The following SBF2 variants were observed in gnomAD, a reference collection of about 807,000 sequenced individuals.
The protein encoded by SBF2 is SET binding factor 2.
A neutral mutation model predicts 225.2 loss-of-function variants in SBF2; 112 were observed. That is an observed-to-expected ratio of 0.50 (90% CI 0.43 to 0.58). The LOEUF (loss-of-function observed/expected upper bound fraction) is 0.58, where lower values mean the gene tolerates loss of function less well. Among genes scored for constraint, SBF2 ranks in the 20% least tolerant of loss-of-function variants. SBF2 has a pLI of 0.00. For missense variants in SBF2, 1,996 were observed against 2,206.2 expected (o/e 0.90, Z 1.91); for synonymous variants, 763 against 773.3 (o/e 0.99, Z 0.22).
chr11:9,969,773 T>C (rs899242638), intron 13 of SBF2, among the ~76,000 whole-genome samples: 1 of 152,174 alleles, frequency 6.6e-6, no homozygotes, highest in Non-Finnish European at 1.5e-5. Flanking sequence ...CTTTACATTT[T>C]ATTTAACTTG....
chr11:10,020,632 AT>A (rs1948817064), intron 6 of SBF2, among the ~76,000 whole-genome samples: 1 of 152,066 alleles, frequency 6.6e-6, no homozygotes, highest in African/African-American at 2.4e-5. Flanking sequence ...CCTTGGCTGA[AT>A]TTTTTCTTCT....
intron 16 of SBF2, among the ~76,000 whole-genome samples, chr11:9,924,744 TTTTA>T (rs1327244603): frequency 6.7e-6 from 1 of 150,330 alleles, no homozygotes; most frequent in Non-Finnish European, 1.5e-5. Flanking sequence ...ATTTTCTTAT[TTTTA>T]TTTATTTATT....
At chr11:9,883,805 A>G (rs986632049) in intron 17 of SBF2, among the ~76,000 whole-genome samples, 8 of 152,172 alleles carry the variant, frequency 5.3e-5, no homozygotes, top group African/African-American at 1.7e-4. Flanking sequence ...CTCATTTTTC[A>G]TTAAGCTTTT....
intron 1 of SBF2, among the ~76,000 whole-genome samples, chr11:10,281,255 T>C (rs1302723344): frequency 1.3e-5 from 2 of 152,166 alleles, no homozygotes; most frequent in East Asian, 3.8e-4. Context: ...TCTTTCTAGC[T>C]TTTTGCTCTG....
chr11:10,219,524 C>A (rs972388248), intron 1 of SBF2, among the ~76,000 whole-genome samples: 1 of 152,206 alleles, frequency 6.6e-6, no homozygotes, highest in African/African-American at 2.4e-5. Flanking sequence ...TAACATTTGG[C>A]TCCTCGTTAC....
chr11:10,008,711 G>T (rs994964479), intron 6 of SBF2, among the ~76,000 whole-genome samples: 1 of 152,244 alleles, frequency 6.6e-6, no homozygotes, highest in Admixed American at 6.5e-5. Context: ...AAATAGGACT[G>T]CCCTGAGGGC....
intron 17 of SBF2, among the ~76,000 whole-genome samples, chr11:9,893,310 C>T (rs933224409): frequency 2.6e-5 from 4 of 152,154 alleles, no homozygotes; most frequent in African/African-American, 4.8e-5. Flanking sequence ...TCCGAGAATC[C>T]GTGTGATCTA....
At chr11:9,916,548 A>G (rs1404967364) in intron 16 of SBF2, among the ~76,000 whole-genome samples, 1 of 151,896 alleles carries the variant, frequency 6.6e-6, no homozygotes, top group Non-Finnish European at 1.5e-5. Context: ...CCTTGGAAAT[A>G]CTAAGAAACA....
intron 6 of SBF2, among the ~76,000 whole-genome samples, chr11:10,008,706 G>A (rs1172080925): frequency 1.3e-5 from 2 of 152,242 alleles, no homozygotes; most frequent in Non-Finnish European, 2.9e-5. Flanking sequence ...ACTGGAAATA[G>A]GACTGCCCTG....
intron 17 of SBF2, among the ~76,000 whole-genome samples, chr11:9,864,417 C>T (rs944672301): frequency 1.8e-4 from 27 of 147,654 alleles, no homozygotes; most frequent in East Asian, 1.9e-4. Context: ...GACATAGTCT[C>T]GCCTTGTGAC....
intron 10 of SBF2, among the ~76,000 whole-genome samples, chr11:9,993,667 G>T (rs1947540168): frequency 6.6e-6 from 1 of 152,156 alleles, no homozygotes; most frequent in African/African-American, 2.4e-5. Flanking sequence ...CTGATTTTCT[G>T]TCCTACACTT....
intron 9 of SBF2, among the ~76,000 whole-genome samples, chr11:9,995,023 A>G (rs542479212): frequency 2.0e-4 from 29 of 142,528 alleles, no homozygotes; most frequent in African/African-American, 6.0e-4. Context: ...GGCGACAGTT[A>G]TAACAAGACT....
chr11:10,015,386 A>G (rs994487621), intron 6 of SBF2, among the ~76,000 whole-genome samples: 3 of 152,212 alleles, frequency 2.0e-5, no homozygotes, highest in Non-Finnish European at 4.4e-5. Flanking sequence ...GCTTAAAACA[A>G]GACAAATTTA....
At chr11:9,898,440 G>T (rs1861449079) in intron 16 of SBF2, among the ~76,000 whole-genome samples, 1 of 152,194 alleles carries the variant, frequency 6.6e-6, no homozygotes, top group Non-Finnish European at 1.5e-5. Flanking sequence ...GGAGGCAGAG[G>T]CGGGTGGATC....
intron 1 of SBF2, among the ~76,000 whole-genome samples, chr11:10,237,126 C>T (rs1959104400): frequency 6.6e-6 from 1 of 151,898 alleles, no homozygotes; most frequent in Non-Finnish European, 1.5e-5. Context: ...GCGGGCAGAT[C>T]ACCTGAGGCC....
upstream of SBF2, among the ~76,000 whole-genome samples, chr11:10,296,414 C>G (rs1165994643): frequency 6.6e-6 from 1 of 152,092 alleles, no homozygotes; most frequent in Non-Finnish European, 1.5e-5. Context: ...GACAAGAGAG[C>G]TTATGCAGAA....
At chr11:9,885,944 T>C (rs1860261643) in intron 17 of SBF2, among the ~76,000 whole-genome samples, 1 of 152,172 alleles carries the variant, frequency 6.6e-6, no homozygotes, top group Non-Finnish European at 1.5e-5. Context: ...CTCCCTTCAG[T>C]ACGATCTTGG....
chr11:9,970,120 CTTATTCTTTGCGACCAGAAAATTCCT>C (rs1867229318), intron 13 of SBF2, among the ~76,000 whole-genome samples: 1 of 152,148 alleles, frequency 6.6e-6, no homozygotes. Flanking sequence ...AATTCTAACA[CTTATTCTTTGCGACCAGAAAATTCCT>C]TATTCCCACT....
chr11:9,816,714 A>G, intron 29 of SBF2, 126 bp downstream of exon 29: 4 of 746,824 alleles, frequency 5.4e-6, no homozygotes, highest in Non-Finnish European at 6.2e-6. Context: ...ATTTTTTGAG[A>G]TTATTAACTC....
Sources: allele counts gnomAD v4.1 joint callset (sites outside exome capture counted in the v4.1 genomes callset), GRCh38; gene constraint gnomAD v4.1.1; transcripts MANE v1.5; gene names NCBI Gene and HGNC (gene_info 2026-07-23, HGNC 2026-07-21).